PSMD1: variants seen among roughly 807,000 people sequenced by gnomAD.
The protein encoded by PSMD1 is 26S proteasome non-ATPase regulatory subunit 1.
A neutral mutation model predicts 119.0 loss-of-function variants in PSMD1; 18 were observed. That is an observed-to-expected ratio of 0.15 (90% CI 0.10 to 0.22). The LOEUF is 0.22. PSMD1 is among the 10% of genes least tolerant of loss of function. The probability of loss-of-function intolerance (pLI) is 1.00; values close to 1 mark genes in which losing one functional copy is unlikely to be tolerated. For synonymous variants in PSMD1, 374 were observed against 396.6 expected (o/e 0.94, Z 0.68); for missense variants, 702 against 1,158.5 (o/e 0.61, Z 5.72).
Position 231,146,116 on chromosome 2 carries a change from G to A in PSMD1, c.1999-124G>A, listed in dbSNP as rs1158489730. On this transcript the variant is annotated intron_variant, in intron 17 of 24. Transcript: ENST00000308696. ...TAATTTTTCAACTCCATTATAATGG[G>A]ACTACCATCATATATGCAGTGTGTC... 8 of 637,232 alleles carry A rather than the reference G, an allele frequency of 1.3e-5. No homozygotes were observed. The African/African-American group carries it at 1.5e-4, about 12-fold the overall frequency. The allele number at this position is 637,232 out of a possible 1,614,324, so 39.5% of individuals were successfully genotyped here.
intron 23 of PSMD1, among the ~76,000 whole-genome samples, chr2:231,169,506 G>T (rs951645869): frequency 6.6e-6 from 1 of 152,180 alleles, no homozygotes; most frequent in African/African-American, 2.4e-5. Context: ...ATAGATATGT[G>T]TGTGTCAGGA....
At chr2:231,078,798 T>A in intron 10 of PSMD1, 51 bp downstream of exon 10, 2 of 1,313,588 alleles carry the variant, frequency 1.5e-6, no homozygotes. Context: ...TTTCTTTTTT[T>A]TTTTTTTTTT....
chr2:231,092,904 G>A (rs1005235760), intron 16 of PSMD1, among the ~76,000 whole-genome samples: 4 of 152,186 alleles, frequency 2.6e-5, no homozygotes, highest in Admixed American at 2.6e-4. Flanking sequence ...TTGAGTTTGG[G>A]CAGGTACACA....
intron 18 of PSMD1, among the ~76,000 whole-genome samples, chr2:231,149,145 GCCCTCTTAGTTGAAGTATCTCCAGT>G (rs1696316033): frequency 2.0e-5 from 3 of 152,162 alleles, no homozygotes; most frequent in African/African-American, 7.2e-5. Flanking sequence ...TCCACACGTT[GCCCTCTTAGTTGAAGTATCTCCAGT>G]ACATCTTTGC....
In PSMD1 at chr2:231,070,044, T is replaced by C. The variant is rs1164880183; in HGVS notation, c.530T>C (p.Leu177Ser). 3 of 1,475,546 alleles carry C rather than the reference T, an allele frequency of 2.0e-6. No homozygotes were observed. The highest frequency in any genetic ancestry group is 2.7e-6 in the Non-Finnish European group (3 of 1,108,610). 91.4% of individuals were successfully genotyped at this position (1,475,546 alleles called of 1,614,324 possible). The part of the protein sequence containing the change: ...ILESNDVPGM[L>S]AYSLKLCMSL... ...TTTCAGAATGATGTCCCAGGAATGT[T>C]AGCTTATAGCCTTAAGCTCTGCATG... is the stretch of plus-strand genomic sequence containing the variant. Residue 177 changes from leucine (L) to serine (S), a missense_variant, in exon 6 of 25, where the codon TTA becomes TCA. This residue lies in a region of PSMD1 where 58 missense variants were observed against 54.0 expected (regional missense o/e 1.07). Coordinates refer to ENST00000308696, the MANE Select transcript of PSMD1 (RefSeq NM_002807.4).
intron 16 of PSMD1, chr2:231,109,172 A>C (rs1485546970): frequency 1.9e-6 from 3 of 1,614,202 alleles, no homozygotes; most frequent in Non-Finnish European, 1.7e-6. Context: ...AACTGTAGAC[A>C]CAGTCAACCA....
At chr2:231,165,034 T>TTATATATATATATATATATATA (rs66656378) in intron 21 of PSMD1, 166 bp from the exon 22 acceptor site, 4 of 21,838 alleles carry the variant, frequency 1.8e-4, no homozygotes, top group African/African-American at 2.4e-4. Flanking sequence ...TTATATATAT[T>TTATATATATATATATATATATA]TATATATATA....
Position 231,062,690 on chromosome 2 carries a change from T to A in PSMD1, c.304+15T>A, listed in dbSNP as rs148251225. On this transcript the variant is annotated intron_variant, in intron 4 of 24. Transcript: ENST00000308696. The stretch of plus-strand genomic sequence containing the variant: ...AACTATTATAGGTAATTATCGTCTA[T>A]CTGGTAAGGCTTTATCTTGTCGGCT... 1,539 of 1,572,720 alleles carry A rather than the reference T, an allele frequency of 9.8e-4. 18 individuals are homozygous for A. In the African/African-American group the frequency reaches 0.018, roughly 18 times the overall value.
At chr2:231,082,277 G>A (rs1348398923) in intron 12 of PSMD1, among the ~76,000 whole-genome samples, 1 of 152,008 alleles carries the variant, frequency 6.6e-6, no homozygotes, top group Non-Finnish European at 1.5e-5. Context: ...TGTTGCCCAG[G>A]CTGGTCTCAA....
rs187120709 is a variant in PSMD1 at position 231,129,666 on chromosome 2, A to G, written c.1884-9070A>G. Among the ~76,000 whole-genome samples the G allele has an allele frequency of 3.3e-4, 50 of 152,346 alleles. 1 individual carries two copies. The East Asian group carries it at 8.1e-3, about 25-fold the overall frequency. On this transcript the variant is annotated intron_variant, in intron 16 of 24. Coordinates refer to ENST00000308696, the MANE Select transcript of PSMD1 (RefSeq NM_002807.4). ...GGTAAGTTATATGTATTCACTATAT[A>G]CTAAACTGATAAGAGTTAAAAGCTA...
At chr2:231,075,602 C>T in intron 8 of PSMD1, 31 bp downstream of exon 8, 1 of 1,593,206 alleles carries the variant, frequency 6.3e-7, no homozygotes, top group Non-Finnish European at 8.6e-7. Context: ...TCCTTTGAGA[C>T]AGGGTCCTGA....
intron 4 of PSMD1, among the ~76,000 whole-genome samples, chr2:231,065,608 G>GT (rs1158735324): frequency 1.3e-5 from 2 of 152,134 alleles, no homozygotes; most frequent in Admixed American, 1.3e-4. Flanking sequence ...CAGGGTGACT[G>GT]TTTTATCTTC....
At chr2:231,126,106 A>G (rs1695713018) in intron 16 of PSMD1, among the ~76,000 whole-genome samples, 1 of 152,218 alleles carries the variant, frequency 6.6e-6, no homozygotes, top group Non-Finnish European at 1.5e-5. Context: ...ATTCAGGAAT[A>G]TGAAAATATT....
intron 17 of PSMD1, 53 bp downstream of exon 17, chr2:231,138,903 C>G: frequency 7.6e-7 from 1 of 1,318,930 alleles, no homozygotes; most frequent in Non-Finnish European, 1.1e-6. Flanking sequence ...GACTGTTTTC[C>G]CTCGCCGCAG....
chr2:231,094,584 C>T (rs979974399), intron 16 of PSMD1, among the ~76,000 whole-genome samples: 1 of 152,150 alleles, frequency 6.6e-6, no homozygotes, highest in Non-Finnish European at 1.5e-5. Context: ...AGTATTAAGG[C>T]TCCAGCCTTA....
intron 18 of PSMD1, among the ~76,000 whole-genome samples, chr2:231,150,638 CATAAT>C (rs960529641): frequency 2.0e-5 from 3 of 151,952 alleles, no homozygotes; most frequent in Non-Finnish European, 4.4e-5. Flanking sequence ...TATGGGATAT[CATAAT>C]ATATAGAGCA....
In PSMD1 at chr2:231,103,865, T is replaced by C. The variant is rs887834383; in HGVS notation, c.1883+16684T>C. On this transcript the variant is annotated intron_variant, in intron 16 of 24. Coordinates refer to ENST00000308696, the MANE Select transcript of PSMD1 (RefSeq NM_002807.4). ...TCCTTCCTGTTATCTTAGCATATCA[T>C]GTAGCCAAGCTGTGACCCTAACCTT... 2.0e-5 allele frequency among the ~76,000 whole-genome samples: 3 copies of C among 152,192 alleles called. No individual in the cohort carries two copies. In the East Asian group the frequency reaches 5.8e-4, roughly 29 times the overall value.
chr2:231,083,577 T>C lies in PSMD1; in HGVS notation c.1536T>C (p.Ala512=). Reference sequence around the variant, plus strand: ...CTCGTTACTTGCCAGGGGAAGCAGCTGGCCTGGCCCTAGGTTTGGTTATGT... The same window carrying C: ...CTCGTTACTTGCCAGGGGAAGCAGCCGGCCTGGCCCTAGGTTTGGTTATGT... ...YQDDAVTGEA[A]GLALGLVMLG... The change falls in exon 14 of 25, where the codon GCT becomes GCC. Residue 512 remains alanine, a synonymous_variant. Transcript: ENST00000308696. 1 of 1,614,256 alleles carries C rather than the reference T, an allele frequency of 6.2e-7. No homozygotes were observed. Among genetic ancestry groups the C allele is most frequent in the Non-Finnish European group, 8.5e-7 (1 of 1,180,036 alleles).
At chr2:231,124,611 C>G (rs1007394230) in intron 16 of PSMD1, among the ~76,000 whole-genome samples, 11 of 151,974 alleles carry the variant, frequency 7.2e-5, no homozygotes, top group Non-Finnish European at 1.6e-4. Flanking sequence ...TACTAGGATC[C>G]AAATAATTGT....
Sources: gnomAD v4.1 joint callset for allele counts (sites outside exome capture counted in the v4.1 genomes callset) on GRCh38, gnomAD v4.1.1 for gene constraint, gnomAD v4.1.1 regional missense constraint, MANE v1.5 for transcripts, NCBI Gene and HGNC (gene_info 2026-07-23, HGNC 2026-07-21) for gene names.